The following PORCN variants were observed in gnomAD, a reference collection of about 807,000 sequenced individuals.
The protein encoded by PORCN is protein-serine O-palmitoleoyltransferase porcupine.
PORCN carries 1 observed loss-of-function variant against 43.0 expected under a neutral mutation model. The ratio of observed to expected loss-of-function variants is 0.02; its 90% CI spans 0.01 to 0.11. The LOEUF is 0.11. PORCN is among the 10% of genes least tolerant of loss of function. The probability of loss-of-function intolerance (pLI) is 1.00; values close to 1 mark genes in which losing one functional copy is unlikely to be tolerated. For synonymous variants in PORCN, 148 were observed against 166.4 expected, an observed-to-expected ratio of 0.89 and a Z score of 0.85; for missense variants, 240 against 392.1, an observed-to-expected ratio of 0.61 and a Z score of 3.28.
chrX:48,509,418 A>C, intron 1 of PORCN: 1 of 688,384 alleles, frequency 1.5e-6, no homozygotes, highest in Middle Eastern at 4.2e-4. Flanking sequence ...TCTGCCCTCC[A>C]CTCAGAGCGA....
chrX:48,512,041 G>T lies in PORCN; in HGVS notation c.373+106G>T, dbSNP rs2061680058. ...CCTCTCCTGCTTTTCTCCCTCACCT[G>T]CCCACCCCACTGGACGTGCAGACCT... On this transcript the variant is annotated intron_variant, in intron 4 of 14. Coordinates refer to ENST00000326194, the MANE Select transcript of PORCN (RefSeq NM_203475.3). The T allele has an allele frequency of 6.1e-6, 4 of 657,290 alleles. No individual in the cohort carries two copies. In the South Asian group the frequency reaches 9.0e-5, roughly 15 times the overall value. The allele number at this position is 657,290 out of a possible 1,213,427, so 54.2% of individuals were successfully genotyped here.
intron 14 of PORCN, 55 bp from the exon 15 acceptor site, chrX:48,520,320 C>T: frequency 2.0e-6 from 2 of 1,014,041 alleles, no homozygotes; most frequent in South Asian, 3.8e-5. Flanking sequence ...ATGGGTTTTC[C>T]TAAGAACTTC....
chrX:48,519,770 C>G (rs1169964541), intron 14 of PORCN, among the ~76,000 whole-genome samples: 1 of 112,246 alleles, frequency 8.9e-6, no homozygotes, highest in Non-Finnish European at 1.9e-5. Context: ...CCCAGGCAGG[C>G]AGATCACTTG....
At chrX:48,517,011 T>C in intron 13 of PORCN, among the ~76,000 whole-genome samples, 172 bp from the exon 14 acceptor site, 1 of 110,572 alleles carries the variant, frequency 9.0e-6, no homozygotes, top group Non-Finnish European at 1.9e-5. Flanking sequence ...CTTGGATGCC[T>C]CTGCATAGGA....
In PORCN at chrX:48,511,967, C is replaced by A. The variant is rs782017311; in HGVS notation, c.373+32C>A. ...AGCCCTGCCCCTCTCACCTGCCCAA[C>A]CCCCCTGCCCCACTCCTCGTCTCCT... is the stretch of plus-strand genomic sequence containing the variant. On this transcript the variant is annotated intron_variant, in intron 4 of 14. Transcript: ENST00000326194. 6 of 1,124,241 alleles carry A rather than the reference C, an allele frequency of 5.3e-6. No individual in the cohort carries two copies. The East Asian group carries it at 1.8e-4, about 34-fold the overall frequency. The allele number at this position is 1,124,241 out of a possible 1,213,427, so 92.7% of individuals were successfully genotyped here.
rs3747317 is a variant in PORCN at position 48,511,654 on chromosome X, G to A, written c.329+167G>A. 9.8e-5 allele frequency among the ~76,000 whole-genome samples: 11 copies of A among 111,713 alleles called. No homozygotes were observed. In the East Asian group the frequency reaches 2.2e-3, roughly 23 times the overall value. On this transcript the variant is annotated intron_variant, in intron 3 of 14. Transcript: ENST00000326194. ...TGAGGAGACACAGAACAGGTAGGAC[G>A]TGGAGTGTCCCTGGAGAAGGGAATC... is the stretch of plus-strand genomic sequence containing the variant.
intron 14 of PORCN, among the ~76,000 whole-genome samples, chrX:48,519,375 T>C (rs2042130309): frequency 1.8e-5 from 2 of 112,956 alleles, no homozygotes; most frequent in South Asian, 3.5e-4. Context: ...ACATGAATGA[T>C]ACTGTTCTGC....
At position 48,514,345 on chromosome X, in the gene PORCN, G is replaced by T; in HGVS notation, c.825G>T (p.Glu275Asp). The change falls in exon 9 of 15, where the codon GAG becomes GAT. Residue 275 changes from glutamate (E) to aspartate (D), a missense_variant. By Grantham distance (45) the Glu-to-Asp change is conservative. Transcript: ENST00000326194. ...TATLAGAGFT[E>D]EKDHLEWDLT... Reference sequence around the variant, plus strand: ...CGTTGGCGGGGGCTGGCTTTACCGAGGAGAAGGATCACCTGGAATGGTGGG... The same window carrying T: ...CGTTGGCGGGGGCTGGCTTTACCGATGAGAAGGATCACCTGGAATGGTGGG... The T allele has an allele frequency of 8.3e-7, 1 of 1,211,611 alleles. No individual in the cohort carries two copies. The highest frequency in any genetic ancestry group is 1.7e-5 in the African/African-American group (1 of 57,928).
intron 7 of PORCN, among the ~76,000 whole-genome samples, 197 bp from the exon 8 acceptor site, chrX:48,513,930 A>G (rs781825610): frequency 4.0e-4 from 45 of 112,910 alleles, no homozygotes; most frequent in African/African-American, 1.4e-3. Context: ...GCCATATTAT[A>G]GGATAGCTCA....
In PORCN at chrX:48,517,254, C is replaced by A; in HGVS notation, c.1245C>A (p.Ser415=). Reference sequence around the variant, plus strand: ...TCTTCCACCTGGCCTACCTGGGCTCCCTGTTTGATGTCGATGTGGATGACA... The same window carrying A: ...TCTTCCACCTGGCCTACCTGGGCTCACTGTTTGATGTCGATGTGGATGACA... The part of the protein sequence containing the change: ...LAIFHLAYLG[S]LFDVDVDDTT... Residue 415 remains serine (S), a synonymous_variant, in exon 14 of 15, where the codon TCC becomes TCA. Coordinates refer to ENST00000326194, the MANE Select transcript of PORCN (RefSeq NM_203475.3). The A allele has an allele frequency of 8.5e-7, 1 of 1,169,690 alleles. No homozygotes were observed. The highest frequency in any genetic ancestry group is 3.2e-5 in the East Asian group (1 of 31,166).
At chrX:48,510,778 T>C (rs1042509171) in intron 2 of PORCN, among the ~76,000 whole-genome samples, 22 of 110,463 alleles carry the variant, frequency 2.0e-4, no homozygotes, top group Non-Finnish European at 2.7e-4. Context: ...TCTATCCATC[T>C]ATCTATCTAT....
At chrX:48,517,830 A>G (rs2061730300) in intron 14 of PORCN, among the ~76,000 whole-genome samples, 1 of 111,585 alleles carries the variant, frequency 9.0e-6, no homozygotes, top group Non-Finnish European at 1.9e-5. Flanking sequence ...AAATCACTTT[A>G]TAGAGATGGA....
Position 48,509,008 on chromosome X carries a change from C to T in PORCN, c.-133C>T. 1 of 113,301 alleles carries T rather than the reference C, an allele frequency of 8.8e-6. No homozygotes were observed. The highest frequency in any genetic ancestry group is 2.8e-4 in the East Asian group (1 of 3,545). The allele number at this position is 113,301 out of a possible 1,213,427, so 9.3% of individuals were successfully genotyped here. ...CGCCGCTCTGGGAGCCGCTGCTGGTCCCGGCCTTGCGGCCTGCGGGGGAGG... is the reference window on the plus strand; with the variant it reads ...CGCCGCTCTGGGAGCCGCTGCTGGTTCCGGCCTTGCGGCCTGCGGGGGAGG... On this transcript the variant is annotated 5_prime_UTR_variant, in exon 1 of 15. Transcript: ENST00000326194.
chrX:48,518,307 G>A (rs1016506441), intron 14 of PORCN, among the ~76,000 whole-genome samples: 4 of 110,127 alleles, frequency 3.6e-5, no homozygotes, highest in East Asian at 5.7e-4. Context: ...TGCAACCTCC[G>A]CCTCCTGGGT....
intron 14 of PORCN, among the ~76,000 whole-genome samples, 175 bp downstream of exon 14, chrX:48,517,468 G>A (rs782703313): frequency 1.8e-5 from 2 of 111,982 alleles, no homozygotes; most frequent in Non-Finnish European, 3.8e-5. Context: ...GAGTCACACT[G>A]TTAGGTCTTT....
In PORCN at chrX:48,520,741, CT is replaced by C. The variant is rs1173296682; in HGVS notation, c.*266del. The C allele has an allele frequency of 1.2e-5, 5 of 404,733 alleles. No individual in the cohort carries two copies. The highest frequency in any genetic ancestry group is 2.2e-5 in the Non-Finnish European group (5 of 230,879). The allele number at this position is 404,733 out of a possible 1,213,427, so 33.4% of individuals were successfully genotyped here. A position where few individuals can be genotyped will look rare whatever the true frequency, so the allele number is the denominator to read the frequency against. ...AAACAGAGAAGGGGAGATCCAGGGC[CT>C]CCCCGCCTTCCTTCTTCCTTTTTAT... On this transcript the variant is annotated 3_prime_UTR_variant, in exon 15 of 15. Coordinates refer to ENST00000326194, the MANE Select transcript of PORCN (RefSeq NM_203475.3).
At chrX:48,517,019 G>A (rs1556975499) in intron 13 of PORCN, among the ~76,000 whole-genome samples, 164 bp from the exon 14 acceptor site, 2 of 110,721 alleles carry the variant, frequency 1.8e-5, no homozygotes, top group Non-Finnish European at 3.8e-5. Context: ...CCTCTGCATA[G>A]GAGGCTCCCT....
chrX:48,513,891 C>T (rs995176377), intron 7 of PORCN, among the ~76,000 whole-genome samples: 4 of 112,425 alleles, frequency 3.6e-5, no homozygotes, highest in Non-Finnish European at 7.5e-5. Flanking sequence ...TGGCTTTGGC[C>T]GTCTGGCCAC....
At chrX:48,519,616 C>T (rs1556976062) in intron 14 of PORCN, among the ~76,000 whole-genome samples, 1 of 112,235 alleles carries the variant, frequency 8.9e-6, no homozygotes, top group Non-Finnish European at 1.9e-5. Flanking sequence ...CTTTTGTGCT[C>T]TCCCACCAGC....
Sources: gnomAD v4.1 joint callset for allele counts (sites outside exome capture counted in the v4.1 genomes callset) on GRCh38, gnomAD v4.1.1 for gene constraint, MANE v1.5 for transcripts, NCBI Gene and HGNC (gene_info 2026-07-23, HGNC 2026-07-21) for gene names.